ST7L: variants seen among roughly 807,000 people sequenced by gnomAD.
The protein encoded by ST7L is suppression of tumorigenicity 7 like.
Under a neutral mutation model 72.5 loss-of-function variants are expected in ST7L, and 57 were observed. The ratio of observed to expected loss-of-function variants is 0.79; its 90% CI spans 0.64 to 0.98. The LOEUF is 0.98. ST7L is among the 50% of genes least tolerant of loss of function. ST7L has a pLI of 0.00. For missense variants in ST7L, 576 were observed against 672.2 expected, an observed-to-expected ratio of 0.86 and a Z score of 1.58; for synonymous variants, 221 against 240.9, an observed-to-expected ratio of 0.92 and a Z score of 0.77.
chr1:112,596,655 T>G (rs1666522570), intron 5 of ST7L, among the ~76,000 whole-genome samples: 1 of 152,100 alleles, frequency 6.6e-6, no homozygotes, highest in Non-Finnish European at 1.5e-5. Context: ...TTTTTTTTTT[T>G]GAGATGCAGT....
chr1:112,564,175 C>G (rs1335910824), intron 11 of ST7L, among the ~76,000 whole-genome samples: 1 of 152,082 alleles, frequency 6.6e-6, no homozygotes, highest in Non-Finnish European at 1.5e-5. Flanking sequence ...AAACATAATA[C>G]TACCTAACAA....
At chr1:112,580,273 C>A (rs540202453) in intron 9 of ST7L, among the ~76,000 whole-genome samples, 29 of 152,252 alleles carry the variant, frequency 1.9e-4, no homozygotes, top group Non-Finnish European at 3.4e-4. Flanking sequence ...CTCAGCTTCC[C>A]GAGCAGCTGG....
intron 10 of ST7L, 65 bp from the exon 11 acceptor site, chr1:112,577,153 G>A: frequency 9.2e-7 from 1 of 1,088,998 alleles, no homozygotes; most frequent in Non-Finnish European, 1.3e-6. Context: ...TATGAATTTA[G>A]ATAATAATAC....
intron 14 of ST7L, chr1:112,526,386 A>G (rs1653394615): frequency 1.2e-5 from 4 of 342,410 alleles, no homozygotes; most frequent in Non-Finnish European, 1.6e-5. Context: ...TTTTGAAATT[A>G]TGCTAAATGT....
chr1:112,595,012 T>C (rs1027303546), intron 5 of ST7L, among the ~76,000 whole-genome samples: 1 of 152,202 alleles, frequency 6.6e-6, no homozygotes, highest in African/African-American at 2.4e-5. Flanking sequence ...TAAAATTATA[T>C]AGGAATGCAA....
At chr1:112,566,768 A>G (rs934345661) in intron 11 of ST7L, among the ~76,000 whole-genome samples, 2 of 152,088 alleles carry the variant, frequency 1.3e-5, no homozygotes, top group Non-Finnish European at 2.9e-5. Flanking sequence ...TTTATATGTC[A>G]TATTTTTGGT....
At position 112,584,043 on chromosome 1, in the gene ST7L, T is replaced by C. The variant is rs1664509157; in HGVS notation, c.785A>G (p.Lys262Arg). The part of the protein sequence containing the change: ...DAERLFKQAL[K>R]AGETIYRQSQ... ...CTGCCTATAAATTGTTTCTCCTGCC[T>C]TGAGTGCCTGTTTAAATAACCTTTC... is the stretch of plus-strand genomic sequence containing the variant. The change falls in exon 7 of 15, where the codon AAG becomes AGG. Residue 262 changes from lysine to arginine, a missense_variant. Lys to Arg is a conservative substitution (Grantham distance 26, BLOSUM62 2). This residue lies in a region of ST7L where 511 missense variants were observed against 600.7 expected (regional missense o/e 0.85). Coordinates refer to ENST00000358039, the MANE Select transcript of ST7L (RefSeq NM_017744.5). 6.2e-7 allele frequency: 1 copy of C among 1,614,088 alleles called. No individual in the cohort carries two copies.
At chr1:112,600,577 C>A (rs1489938759) in intron 4 of ST7L, among the ~76,000 whole-genome samples, 2 of 151,482 alleles carry the variant, frequency 1.3e-5, no homozygotes, top group Non-Finnish European at 2.9e-5. Context: ...GCCTGAGTGA[C>A]AGGGCAAGAC....
intron 9 of ST7L, among the ~76,000 whole-genome samples, chr1:112,579,947 A>T (rs1663817077): frequency 6.6e-6 from 1 of 152,232 alleles, no homozygotes; most frequent in East Asian, 1.9e-4. Context: ...CCATGTATCC[A>T]GTAAGTTACA....
chr1:112,618,923 T>G lies in ST7L; in HGVS notation c.191A>C (p.Glu64Ala). ...YALRIPLRLC[E>A]NLAAVTVFLN... Reference sequence around the variant, plus strand: ...GGTCCTCTCACCCGCTGCCAAATTCTCACACAGCCTCAAAGGGATCCTCAG... The same window carrying G: ...GGTCCTCTCACCCGCTGCCAAATTCGCACACAGCCTCAAAGGGATCCTCAG... The change falls in exon 1 of 15, where the codon GAG becomes GCG. Residue 64 changes from glutamate to alanine, a missense_variant. This residue lies in a region of ST7L where 511 missense variants were observed against 600.7 expected (regional missense o/e 0.85). Transcript: ENST00000358039. 6.4e-7 allele frequency: 1 copy of G among 1,564,712 alleles called. No homozygotes were observed. Among genetic ancestry groups the G allele is most frequent in the South Asian group, 1.2e-5 (1 of 85,666 alleles).
At chr1:112,562,719 T>C (rs1571034320) in intron 11 of ST7L, among the ~76,000 whole-genome samples, 1 of 152,224 alleles carries the variant, frequency 6.6e-6, no homozygotes, top group East Asian at 1.9e-4. Flanking sequence ...GCCCAGAATA[T>C]GAAGGGCTTT....
At chr1:112,598,116 T>C (rs746845562) in intron 4 of ST7L, 30 bp from the exon 5 acceptor site, 3 of 1,533,936 alleles carry the variant, frequency 2.0e-6, no homozygotes, top group East Asian at 4.6e-5. Flanking sequence ...AATATTTAAA[T>C]TGAACATGAG....
chr1:112,594,321 T>C (rs1171671897), intron 5 of ST7L, among the ~76,000 whole-genome samples: 2 of 152,062 alleles, frequency 1.3e-5, no homozygotes, highest in South Asian at 2.1e-4. Flanking sequence ...AAAGTTTGGG[T>C]TGGGGGCAAC....
At chr1:112,599,642 C>T (rs1339868977) in intron 4 of ST7L, among the ~76,000 whole-genome samples, 3 of 152,162 alleles carry the variant, frequency 2.0e-5, no homozygotes, top group Admixed American at 6.5e-5. Context: ...GCACAATTTA[C>T]ATTCAGAGTG....
chr1:112,605,044 G>A (rs1473623575), intron 3 of ST7L, among the ~76,000 whole-genome samples: 2 of 134,882 alleles, frequency 1.5e-5, no homozygotes, highest in Admixed American at 8.1e-5. Context: ...CAGAGATCAC[G>A]CCATTGCATT....
intron 6 of ST7L, 152 bp downstream of exon 6, chr1:112,591,373 C>T: frequency 1.6e-6 from 1 of 611,298 alleles, no homozygotes; most frequent in Non-Finnish European, 2.8e-6. Context: ...CAGATGTTGG[C>T]AAACACTGAA....
chr1:112,571,240 T>C (rs1035819712), intron 11 of ST7L: 13 of 443,190 alleles, frequency 2.9e-5, no homozygotes, highest in African/African-American at 2.6e-4. Context: ...AGGGTCTATC[T>C]ACAAACAATA....
At chr1:112,569,835 G>GTT (rs1314245366) in intron 11 of ST7L, among the ~76,000 whole-genome samples, 3 of 151,874 alleles carry the variant, frequency 2.0e-5, no homozygotes, top group African/African-American at 7.3e-5. Flanking sequence ...GCACGCACCT[G>GTT]TAGTCCCAGC....
Position 112,526,047 on chromosome 1 carries a change from A to G in ST7L, c.1694T>C (p.Leu565Ser). Residue 565 changes from leucine to serine, a missense_variant, in exon 15 of 15, where the codon TTG becomes TCG. This residue lies in a region of ST7L where 511 missense variants were observed against 600.7 expected (regional missense o/e 0.85). Transcript: ENST00000358039. ...ACTCAAACCTAGGTCTTCTGACTTC[A>G]AATCCTGTGTATTCTCCTCAAAGCC... ...SSGFEENTQD[L>S]KSEDLGLSSG 1 of 1,614,180 alleles carries G rather than the reference A, an allele frequency of 6.2e-7. No homozygotes were observed. The highest frequency in any genetic ancestry group is 8.5e-7 in the Non-Finnish European group (1 of 1,180,034).
Sources: allele counts gnomAD v4.1 joint callset (sites outside exome capture counted in the v4.1 genomes callset), GRCh38; gene constraint gnomAD v4.1.1; regional missense constraint gnomAD v4.1.1; transcripts MANE v1.5; gene names NCBI Gene and HGNC (gene_info 2026-07-23, HGNC 2026-07-21).